Variants in DENND1A observed in about 807,000 individuals in gnomAD.
DENND1A encodes the protein DENN domain-containing protein 1A.
A neutral mutation model predicts 113.7 loss-of-function variants in DENND1A; 51 were observed. The ratio of observed to expected loss-of-function variants is 0.45; its 90% CI spans 0.36 to 0.57. DENND1A has a LOEUF of 0.57. Among genes scored for constraint, DENND1A ranks in the 20% least tolerant of loss-of-function variants. The probability of loss-of-function intolerance (pLI) is 0.00; values close to 1 mark genes in which losing one functional copy is unlikely to be tolerated. For synonymous variants in DENND1A, 565 were observed against 570.8 expected (o/e 0.99, Z 0.14); for missense variants, 1,258 against 1,395.9 (o/e 0.90, Z 1.57).
At chr9:123,917,641 G>T (rs1855402885) in intron 1 of DENND1A, among the ~76,000 whole-genome samples, 1 of 151,982 alleles carries the variant, frequency 6.6e-6, no homozygotes, top group Non-Finnish European at 1.5e-5. Flanking sequence ...TGACTGACCT[G>T]GTAGCAAACC....
rs1330587627 is a variant in DENND1A, at chr9:123,411,455, C to T, written c.1542+321G>A. The T allele has an allele frequency of 3.9e-5, 6 of 152,234 alleles. No homozygotes were observed. In the East Asian group the frequency reaches 1.2e-3, roughly 29 times the overall value. The allele number at this position is 152,234 out of a possible 1,614,324, so 9.4% of individuals were successfully genotyped here. A position where few individuals can be genotyped will look rare whatever the true frequency, so the allele number is the denominator to read the frequency against. On this transcript the variant is annotated intron_variant, in intron 20 of 23. Coordinates refer to ENST00000394215, the MANE Select transcript of DENND1A (RefSeq NM_001352964.2). ...TTCTGCTTCGTTTGTGAGGAACAGGCGTCTGGAGGAAGGCTTCCAACCCAT... is the reference window on the plus strand; with the variant it reads ...TTCTGCTTCGTTTGTGAGGAACAGGTGTCTGGAGGAAGGCTTCCAACCCAT...
At chr9:123,606,226 C>T (rs775125038) in intron 11 of DENND1A, among the ~76,000 whole-genome samples, 7 of 152,192 alleles carry the variant, frequency 4.6e-5, no homozygotes, top group Non-Finnish European at 1.0e-4. Context: ...TTCAGTAGTT[C>T]ACGGCTGCCC....
At chr9:123,563,667 C>G (rs972555260) in intron 12 of DENND1A, among the ~76,000 whole-genome samples, 3 of 152,128 alleles carry the variant, frequency 2.0e-5, no homozygotes, top group African/African-American at 7.2e-5. Flanking sequence ...ATTCATCCTT[C>G]GCATTGAATT....
At chr9:123,737,352 T>C (rs181609804) in intron 5 of DENND1A, among the ~76,000 whole-genome samples, 38 of 152,234 alleles carry the variant, frequency 2.5e-4, no homozygotes, top group Middle Eastern at 3.4e-3. Context: ...TGCACTACCA[T>C]GCCTGGCTAA....
chr9:123,916,339 C>A (rs1336081630), intron 1 of DENND1A, among the ~76,000 whole-genome samples: 1 of 148,980 alleles, frequency 6.7e-6, no homozygotes, highest in Non-Finnish European at 1.5e-5. Flanking sequence ...GAGGGCCTGG[C>A]AAGAGGAGAT....
chr9:123,435,052 T>G (rs1199703720), intron 19 of DENND1A, among the ~76,000 whole-genome samples: 1 of 152,082 alleles, frequency 6.6e-6, no homozygotes, highest in Admixed American at 6.5e-5. Flanking sequence ...GGCCAGCCTG[T>G]GTCATTCACT....
rs114299942 is a variant in DENND1A, at chr9:123,426,319, C to A, written c.1488+14041G>T. 5.8e-3 allele frequency among the ~76,000 whole-genome samples: 888 copies of A among 152,274 alleles called. 11 individuals are homozygous for A. Among genetic ancestry groups the A allele is most frequent in the African/African-American group, 0.021 (856 of 41,546 alleles). On this transcript the variant is annotated intron_variant, in intron 19 of 23. Coordinates refer to ENST00000394215, the MANE Select transcript of DENND1A (RefSeq NM_001352964.2). The stretch of plus-strand genomic sequence containing the variant: ...CTCACAGACCAGTCGAGGAGAGAGA[C>A]ACAGGACCCCAGGGATATGAGGAAT...
chr9:123,439,053 C>G (rs1299940830), intron 19 of DENND1A, among the ~76,000 whole-genome samples: 2 of 152,254 alleles, frequency 1.3e-5, no homozygotes, highest in African/African-American at 4.8e-5. Context: ...GAATGCCACG[C>G]TGGCGACAAC....
chr9:123,581,161 G>A (rs904841418), intron 12 of DENND1A, among the ~76,000 whole-genome samples: 5 of 151,982 alleles, frequency 3.3e-5, no homozygotes, highest in Non-Finnish European at 7.4e-5. Context: ...TGGGTCAAGC[G>A]GGAGTAAGGA....
At chr9:123,499,668 C>T (rs988348949) in intron 13 of DENND1A, among the ~76,000 whole-genome samples, 4 of 152,224 alleles carry the variant, frequency 2.6e-5, no homozygotes, top group African/African-American at 4.8e-5. Flanking sequence ...CAAACCCACA[C>T]ACTTCACCAC....
At chr9:123,529,088 C>A (rs1000634682) in intron 13 of DENND1A, among the ~76,000 whole-genome samples, 1 of 152,092 alleles carries the variant, frequency 6.6e-6, no homozygotes, top group Admixed American at 6.5e-5. Context: ...TCCTTATAGG[C>A]CTGTGAGTTC....
intron 1 of DENND1A, among the ~76,000 whole-genome samples, chr9:123,887,939 A>G (rs1255280862): frequency 6.6e-6 from 1 of 152,256 alleles, no homozygotes; most frequent in Non-Finnish European, 1.5e-5. Context: ...ATGTATATAT[A>G]TAACTTGATA....
At chr9:123,694,394 T>C (rs1213815554) in intron 5 of DENND1A, among the ~76,000 whole-genome samples, 1 of 152,100 alleles carries the variant, frequency 6.6e-6, no homozygotes, top group Non-Finnish European at 1.5e-5. Flanking sequence ...AAGTGGGAGA[T>C]CAGCCAGTTG....
At chr9:123,403,315 G>T (rs1298581403) in intron 21 of DENND1A, 87 bp downstream of exon 21, 3 of 1,393,378 alleles carry the variant, frequency 2.2e-6, no homozygotes, top group Non-Finnish European at 3.0e-6. Flanking sequence ...CCTCACAAAG[G>T]CCGGGGCTAC....
intron 5 of DENND1A, among the ~76,000 whole-genome samples, chr9:123,749,786 C>T (rs2131283254): frequency 6.6e-6 from 1 of 152,240 alleles, no homozygotes; most frequent in East Asian, 1.9e-4. Context: ...GAACTACACT[C>T]CTGGAGTTCT....
chr9:123,885,145 C>T (rs1350467581), intron 1 of DENND1A, among the ~76,000 whole-genome samples: 2 of 152,156 alleles, frequency 1.3e-5, no homozygotes, highest in East Asian at 3.8e-4. Context: ...CAGGCTCTCA[C>T]CATATCCAAC....
rs554729610 is a variant in DENND1A at position 123,909,205 on chromosome 9, G to C, written c.17+20684C>G. ...ACACTATGGGGCCTGTGGTGGGGTG[G>C]GGGGAGTGGGAAGGGATAGCATTGG... On this transcript the variant is annotated intron_variant, in intron 1 of 23. Coordinates refer to ENST00000394215, the MANE Select transcript of DENND1A (RefSeq NM_001352964.2). Among the ~76,000 whole-genome samples, 82 of 152,160 alleles carry C rather than the reference G, an allele frequency of 5.4e-4. 1 individual carries two copies. In the Middle Eastern group the frequency reaches 0.017, roughly 32 times the overall value.
intron 5 of DENND1A, among the ~76,000 whole-genome samples, chr9:123,726,497 G>T (rs1191233745): frequency 6.6e-6 from 1 of 152,162 alleles, no homozygotes; most frequent in African/African-American, 2.4e-5. Flanking sequence ...TGAGGACAGG[G>T]ATAGTGCTTT....
intron 13 of DENND1A, among the ~76,000 whole-genome samples, chr9:123,465,520 C>T (rs762076385): frequency 1.3e-5 from 2 of 152,110 alleles, no homozygotes; most frequent in Non-Finnish European, 2.9e-5. Context: ...TATACAATGC[C>T]AACCTACCTC....
Sources: allele counts gnomAD v4.1 joint callset (sites outside exome capture counted in the v4.1 genomes callset), GRCh38; gene constraint gnomAD v4.1.1; transcripts MANE v1.5; gene names NCBI Gene and HGNC (gene_info 2026-07-23, HGNC 2026-07-21).